The following MNAT1 variants were observed in gnomAD, a reference collection of about 807,000 sequenced individuals.
The protein encoded by MNAT1 is CDK-activating kinase assembly factor MAT1.
Under a neutral mutation model 42.0 loss-of-function variants are expected in MNAT1, and 43 were observed. The ratio of observed to expected loss-of-function variants is 1.02; its 90% CI spans 0.80 to 1.32. MNAT1 has a LOEUF of 1.32. MNAT1 is among the 40% of genes most tolerant of loss of function. The probability of loss-of-function intolerance (pLI) is 0.00; values close to 1 mark genes in which losing one functional copy is unlikely to be tolerated. For missense variants in MNAT1, 306 were observed against 350.4 expected (o/e 0.87, Z 1.01); for synonymous variants, 118 against 120.0 (o/e 0.98, Z 0.11).
At chr14:60,832,970 T>C (rs1448241342) in intron 6 of MNAT1, among the ~76,000 whole-genome samples, 2 of 152,302 alleles carry the variant, frequency 1.3e-5, no homozygotes, top group African/African-American at 4.8e-5. Flanking sequence ...ATGATTTGGC[T>C]CTCTGCTTGT....
At chr14:60,857,785 G>A (rs771119193) in intron 6 of MNAT1, among the ~76,000 whole-genome samples, 3 of 148,046 alleles carry the variant, frequency 2.0e-5, no homozygotes, top group Admixed American at 6.8e-5. Context: ...CCATGTGTTC[G>A]CATTGTTCAA....
chr14:60,873,824 T>A (rs1317364817), intron 6 of MNAT1, among the ~76,000 whole-genome samples: 1 of 152,174 alleles, frequency 6.6e-6, no homozygotes, highest in East Asian at 1.9e-4. Flanking sequence ...ACTTAACATT[T>A]TACTAATTTC....
chr14:60,936,667 A>G (rs2036004606), intron 7 of MNAT1, among the ~76,000 whole-genome samples: 1 of 152,068 alleles, frequency 6.6e-6, no homozygotes, highest in Non-Finnish European at 1.5e-5. Flanking sequence ...GCTATTGTGA[A>G]TAGTGCTGCA....
chr14:60,924,076 C>A (rs575379061), intron 7 of MNAT1, among the ~76,000 whole-genome samples: 1 of 152,156 alleles, frequency 6.6e-6, no homozygotes, highest in South Asian at 2.1e-4. Flanking sequence ...AAAAGTAAAA[C>A]AAAAAGTTTG....
At chr14:60,856,170 A>G (rs2033954782) in intron 6 of MNAT1, among the ~76,000 whole-genome samples, 1 of 152,258 alleles carries the variant, frequency 6.6e-6, no homozygotes, top group Non-Finnish European at 1.5e-5. Flanking sequence ...TTGTGAATGC[A>G]AAGGAAAAGT....
chr14:60,782,014 C>G (rs1392588077), intron 1 of MNAT1, among the ~76,000 whole-genome samples: 1 of 147,898 alleles, frequency 6.8e-6, no homozygotes, highest in Non-Finnish European at 1.5e-5. Context: ...TTGTTCCTTA[C>G]AGTGTGCTGT....
At chr14:60,933,473 T>C (rs1160116339) in intron 7 of MNAT1, among the ~76,000 whole-genome samples, 2 of 152,188 alleles carry the variant, frequency 1.3e-5, no homozygotes, top group African/African-American at 4.8e-5. Context: ...TGATTTTATT[T>C]GTGCTCTTAA....
chr14:60,887,570 T>C (rs2139478761), intron 7 of MNAT1, among the ~76,000 whole-genome samples: 1 of 151,872 alleles, frequency 6.6e-6, no homozygotes, highest in Admixed American at 6.6e-5. Flanking sequence ...AACTCATCAT[T>C]TTTCATGGCT....
chr14:60,875,126 A>T (rs17097856), intron 6 of MNAT1, among the ~76,000 whole-genome samples: 3 of 152,148 alleles, frequency 2.0e-5, no homozygotes, highest in Admixed American at 6.6e-5. Flanking sequence ...TTATAGTTTT[A>T]AAAAATACTC....
intron 1 of MNAT1, among the ~76,000 whole-genome samples, chr14:60,766,789 G>C (rs1476266021): frequency 2.6e-5 from 4 of 152,170 alleles, no homozygotes; most frequent in African/African-American, 9.7e-5. Context: ...TGTATGACTA[G>C]ATTTCATTTT....
intron 7 of MNAT1, among the ~76,000 whole-genome samples, chr14:60,916,962 T>TA (rs1400251986): frequency 6.6e-6 from 1 of 151,888 alleles, no homozygotes; most frequent in Non-Finnish European, 1.5e-5. Flanking sequence ...CCAAAAAATT[T>TA]AAAAAAATTA....
intron 7 of MNAT1, among the ~76,000 whole-genome samples, chr14:60,958,228 C>T (rs951072303): frequency 6.6e-6 from 1 of 152,174 alleles, no homozygotes; most frequent in Non-Finnish European, 1.5e-5. Context: ...TAGTGATGAA[C>T]TCCCTCAGTT....
intron 5 of MNAT1, among the ~76,000 whole-genome samples, chr14:60,812,671 G>C (rs113013124): frequency 0.015 from 2,337 of 152,172 alleles, 46 homozygotes; most frequent in African/African-American, 0.048. Context: ...TCTTTGAGTA[G>C]TGTCTTCACT....
At chr14:60,780,055 C>T (rs1048428783) in intron 1 of MNAT1, 21 of 1,493,950 alleles carry the variant, frequency 1.4e-5, no homozygotes, top group African/African-American at 6.9e-5. Context: ...TCTTCTCATT[C>T]GGCATCAACA....
At chr14:60,781,851 A>G (rs897524312) in intron 1 of MNAT1, among the ~76,000 whole-genome samples, 1 of 151,482 alleles carries the variant, frequency 6.6e-6, no homozygotes, top group African/African-American at 2.4e-5. Flanking sequence ...GAAAGCATTT[A>G]TTTAGTGTCT....
At chr14:60,826,307 ATTTTTTTT>A (rs60838198) in intron 6 of MNAT1, among the ~76,000 whole-genome samples, 3 of 119,784 alleles carry the variant, frequency 2.5e-5, no homozygotes, top group African/African-American at 9.3e-5. Flanking sequence ...AATAGGAGAA[ATTTTTTTT>A]TTTTTTTTTT....
rs140317854 is a variant in MNAT1, at chr14:60,918,478, G to C, written c.809+38643G>C. On this transcript the variant is annotated intron_variant, in intron 7 of 7. Coordinates refer to ENST00000261245, the MANE Select transcript of MNAT1 (RefSeq NM_002431.4). ...CCACCTCGGCCTCCCAAAGTGGTGG[G>C]ATTAGAGGCATGAGCCACAGTGCCC... is the stretch of plus-strand genomic sequence containing the variant. 8.0e-3 allele frequency among the ~76,000 whole-genome samples: 1,211 copies of C among 151,308 alleles called. 24 individuals carry two copies. The highest frequency in any genetic ancestry group is 0.028 in the African/African-American group (1,146 of 41,362).
At chr14:60,869,040 A>ATATATATATATATATATATATATATT (rs1465360826) in intron 6 of MNAT1, among the ~76,000 whole-genome samples, 2 of 113,054 alleles carry the variant, frequency 1.8e-5, no homozygotes, top group Non-Finnish European at 3.7e-5. Flanking sequence ...ATATATATAT[A>ATATATATATATATATATATATATATT]TTTTTTTTTT....
chr14:60,838,237 G>A (rs530754866), intron 6 of MNAT1, among the ~76,000 whole-genome samples: 88 of 152,134 alleles, frequency 5.8e-4, no homozygotes, highest in Non-Finnish European at 1.2e-3. Context: ...CTGGGCTCAA[G>A]CAGTTACCCT....
Sources: allele counts gnomAD v4.1 joint callset (sites outside exome capture counted in the v4.1 genomes callset), GRCh38; gene constraint gnomAD v4.1.1; transcripts MANE v1.5; gene names NCBI Gene and HGNC (gene_info 2026-07-23, HGNC 2026-07-21).